The following POLA1 variants were observed in gnomAD, a reference collection of about 807,000 sequenced individuals.
POLA1 encodes the protein DNA polymerase alpha catalytic subunit.
A neutral mutation model predicts 124.0 loss-of-function variants in POLA1; 15 were observed. The observed-to-expected ratio is 0.12, with a 90% CI of 0.08 to 0.19. The LOEUF is 0.19. POLA1 is among the 10% of genes least tolerant of loss of function. The pLI is 1.00. For missense variants in POLA1, 886 were observed against 1,103.4 expected, an observed-to-expected ratio of 0.80 and a Z score of 2.79; for synonymous variants, 408 against 389.4, an observed-to-expected ratio of 1.05 and a Z score of -0.56.
intron 1 of POLA1, among the ~76,000 whole-genome samples, chrX:24,696,642 G>A (rs1221820529): frequency 1.8e-5 from 2 of 111,451 alleles, no homozygotes; most frequent in South Asian, 3.8e-4. Flanking sequence ...TAGGCTCTGC[G>A]TCTCATCAAG....
At chrX:24,903,688 T>C (rs1376910892) in intron 35 of POLA1, among the ~76,000 whole-genome samples, 3 of 111,438 alleles carry the variant, frequency 2.7e-5, no homozygotes, top group African/African-American at 9.8e-5. Flanking sequence ...ATCCAGATTG[T>C]AAACAAAGTT....
chrX:24,775,028 A>G (rs186351753), intron 26 of POLA1, among the ~76,000 whole-genome samples: 4 of 111,931 alleles, frequency 3.6e-5, no homozygotes, highest in African/African-American at 1.3e-4. Context: ...TTTAAATGTG[A>G]TGTTACGTAC....
rs376386078 is a variant in POLA1 at position 24,747,779 on chromosome X, G to C, written c.2692-532G>C. 5.1e-4 allele frequency among the ~76,000 whole-genome samples: 52 copies of C among 102,375 alleles called. No homozygotes were observed. The South Asian group carries it at 0.024, about 48-fold the overall frequency. 88.9% of individuals were successfully genotyped at this position (102,375 alleles called of 115,157 possible). A position where few individuals can be genotyped will look rare whatever the true frequency, so the allele number is the denominator to read the frequency against. On this transcript the variant is annotated intron_variant, in intron 24 of 36. Coordinates refer to ENST00000379068, the MANE Select transcript of POLA1 (RefSeq NM_001330360.2). ...AGACAGAGTTTCGCTGTGTAGCCCA[G>C]GCTAGAGTGCAGTGGCGAGATCTCC...
intron 10 of POLA1, among the ~76,000 whole-genome samples, chrX:24,718,960 C>G (rs1439988486): frequency 8.9e-6 from 1 of 112,092 alleles, no homozygotes; most frequent in African/African-American, 3.2e-5. Flanking sequence ...ATTCTTGACT[C>G]ACAAAAAGCC....
chrX:24,745,852 G>A (rs1047370257), intron 24 of POLA1, among the ~76,000 whole-genome samples: 1 of 111,461 alleles, frequency 9.0e-6, no homozygotes, highest in Non-Finnish European at 1.9e-5. Context: ...TATTCTGGAC[G>A]TCTCATATAA....
In POLA1 at chrX:24,923,805, T is replaced by G. The variant is rs754606372; in HGVS notation, c.4165-6648T>G. Among the ~76,000 whole-genome samples the G allele has an allele frequency of 1.1e-4, 12 of 112,131 alleles. No individual in the cohort carries two copies. The Admixed American group carries it at 1.1e-3, about 11-fold the overall frequency. On this transcript the variant is annotated intron_variant, in intron 35 of 36. Transcript: ENST00000379068. ...GTGGAGTTGGCAAACCAGTATTTTT[T>G]TTTCACCCTCTGTTGTTCCACATTT...
At chrX:24,843,491 A>G in intron 33 of POLA1, 55 bp from the exon 34 acceptor site, 1 of 980,167 alleles carries the variant, frequency 1.0e-6, no homozygotes, top group South Asian at 2.6e-5. Flanking sequence ...TTAAGCACAA[A>G]AACCCTTTTA....
At chrX:24,806,053 G>GGTT (rs2045791856) in intron 26 of POLA1, among the ~76,000 whole-genome samples, 2 of 35,286 alleles carry the variant, frequency 5.7e-5, no homozygotes, top group Non-Finnish European at 9.5e-5. Context: ...GTGGTATGAG[G>GGTT]TTTTTTTTTT....
chrX:24,862,363 G>T (rs758027950), intron 34 of POLA1, among the ~76,000 whole-genome samples: 3 of 111,662 alleles, frequency 2.7e-5, no homozygotes, highest in Non-Finnish European at 5.6e-5. Flanking sequence ...TTCTAGAAAC[G>T]TGGGGAAAAA....
chrX:24,898,649 T>A (rs2047237297), intron 35 of POLA1, among the ~76,000 whole-genome samples: 1 of 112,161 alleles, frequency 8.9e-6, no homozygotes, highest in South Asian at 3.7e-4. Flanking sequence ...AACCTTGAGA[T>A]GCAGATCGCC....
chrX:24,956,948 T>G (rs1317854960), intron 36 of POLA1, among the ~76,000 whole-genome samples: 1 of 111,224 alleles, frequency 9.0e-6, no homozygotes, highest in Non-Finnish European at 1.9e-5. Context: ...CTGATGAGTT[T>G]GTGGATAAAG....
At chrX:24,977,516 G>A (rs1353255812) in intron 36 of POLA1, among the ~76,000 whole-genome samples, 1 of 111,896 alleles carries the variant, frequency 8.9e-6, no homozygotes, top group Non-Finnish European at 1.9e-5. Flanking sequence ...ATTCATGATG[G>A]TGTGTTTTGG....
intron 35 of POLA1, among the ~76,000 whole-genome samples, chrX:24,913,125 T>A (rs1322150945): frequency 8.9e-6 from 1 of 112,353 alleles, no homozygotes; most frequent in African/African-American, 3.2e-5. Flanking sequence ...AAAGAAACTG[T>A]AGTACTTTCC....
intron 35 of POLA1, among the ~76,000 whole-genome samples, chrX:24,890,387 C>A (rs2047129108): frequency 1.8e-5 from 2 of 111,405 alleles, no homozygotes; most frequent in Non-Finnish European, 3.8e-5. Context: ...CACCTGGCCT[C>A]CAGTACCAAA....
At chrX:24,772,776 G>C (rs949377914) in intron 26 of POLA1, among the ~76,000 whole-genome samples, 5 of 111,551 alleles carry the variant, frequency 4.5e-5, no homozygotes, top group African/African-American at 1.6e-4. Flanking sequence ...AGAGTGTGGT[G>C]CTTCCTCAAA....
chrX:24,735,755 T>G (rs1931234428), intron 18 of POLA1, among the ~76,000 whole-genome samples: 1 of 111,603 alleles, frequency 9.0e-6, no homozygotes, highest in Non-Finnish European at 1.9e-5. Context: ...AGCACATAAA[T>G]AAGTAAACAT....
intron 4 of POLA1, among the ~76,000 whole-genome samples, chrX:24,710,324 C>G (rs768615093): frequency 9.0e-6 from 1 of 111,578 alleles, no homozygotes; most frequent in Non-Finnish European, 1.9e-5. Flanking sequence ...AGCTTTCTAT[C>G]TTTATGGATT....
At chrX:24,749,580 A>G (rs772514677) in intron 26 of POLA1, among the ~76,000 whole-genome samples, 21 of 111,374 alleles carry the variant, frequency 1.9e-4, no homozygotes, top group South Asian at 3.8e-4. Context: ...AGTGAAAGGT[A>G]GAAATCAGGA....
At chrX:24,744,585 CTT>C (rs1175013067) in intron 23 of POLA1, 1 of 337,195 alleles carries the variant, frequency 3.0e-6, no homozygotes, top group Non-Finnish European at 5.5e-6. Flanking sequence ...ATATGTGTCT[CTT>C]GTTTGATTTT....
Sources: gnomAD v4.1 joint callset for allele counts (sites outside exome capture counted in the v4.1 genomes callset) on GRCh38, gnomAD v4.1.1 for gene constraint, MANE v1.5 for transcripts, NCBI Gene and HGNC (gene_info 2026-07-23, HGNC 2026-07-21) for gene names.